Variants in MCM5 observed in about 807,000 individuals in gnomAD.
The protein encoded by MCM5 is minichromosome maintenance complex component 5.
In MCM5, 46 loss-of-function variants were observed where a neutral mutation model predicts 79.9. The observed-to-expected ratio is 0.58, with a 90% CI of 0.45 to 0.74. MCM5 has a LOEUF of 0.74. Among genes scored for constraint, MCM5 ranks in the 30% least tolerant of loss-of-function variants. MCM5 has a pLI of 0.00. For synonymous variants in MCM5, 404 were observed against 390.5 expected (o/e 1.03, Z -0.41); for missense variants, 883 against 1,017.0 (o/e 0.87, Z 1.79).
chr22:35,416,959 G>A (rs1260097667), intron 12 of MCM5, 145 bp downstream of exon 12: 13 of 872,312 alleles, frequency 1.5e-5, no homozygotes, highest in Middle Eastern at 7.0e-4. Flanking sequence ...GTGAGAGGGC[G>A]GTTGTTGTGG....
At chr22:35,416,075 T>A in intron 10 of MCM5, 103 bp downstream of exon 10, 1 of 1,423,394 alleles carries the variant, frequency 7.0e-7, no homozygotes, top group Non-Finnish European at 9.7e-7. Context: ...GGGAGACATG[T>A]TTTCAATCCC....
the MCM5 span, among the ~76,000 whole-genome samples, chr22:35,440,176 A>G: frequency 1.3e-5 from 2 of 152,184 alleles, no homozygotes; most frequent in African/African-American, 2.4e-5. Flanking sequence ...CTTTAAAAGA[A>G]CCCTTGAGTA....
In MCM5 at chr22:35,412,670, C is replaced by T. The variant is rs146791298; in HGVS notation, c.1080C>T (p.Gly360=). 9 of 1,499,144 alleles carry T rather than the reference C, an allele frequency of 6.0e-6. No homozygotes were observed. The highest frequency in any genetic ancestry group is 2.1e-5 in the Admixed American group (1 of 46,804). The allele number at this position is 1,499,144 out of a possible 1,614,324, so 92.9% of individuals were successfully genotyped here. Residue 360 remains glycine, a synonymous_variant, in exon 8 of 17, where the codon GGC becomes GGT. Coordinates refer to ENST00000216122, the MANE Select transcript of MCM5 (RefSeq NM_006739.4). ...CCATTGCCTGCCTGCTCTTTGGGGG[C>T]TCCCGAAAGAGGTAGGGGCTTGAGT... ...KKAIACLLFG[G]SRKRLPDGLT... is the part of the protein sequence containing the mutation.
chr22:35,427,451 T>A (rs942415730), downstream of MCM5, among the ~76,000 whole-genome samples: 1 of 152,124 alleles, frequency 6.6e-6, no homozygotes, highest in Non-Finnish European at 1.5e-5. Context: ...GTAACTATTA[T>A]CCATATGTAT....
chr22:35,405,758 C>G (rs1932193340), intron 4 of MCM5, among the ~76,000 whole-genome samples: 1 of 151,946 alleles, frequency 6.6e-6, no homozygotes, highest in Admixed American at 6.6e-5. Context: ...GCCTGTAATC[C>G]CAGCATTTTG....
the MCM5 span, among the ~76,000 whole-genome samples, chr22:35,439,153 A>G: frequency 6.6e-6 from 1 of 151,802 alleles, no homozygotes; most frequent in South Asian, 2.1e-4. Flanking sequence ...ATATTCATCC[A>G]TCCATCCATT....
At chr22:35,445,312 G>T in the MCM5 span, among the ~76,000 whole-genome samples, 2 of 136,746 alleles carry the variant, frequency 1.5e-5, no homozygotes, top group Non-Finnish European at 3.1e-5. Context: ...TGTGTTAGAT[G>T]CATTTGACTA....
chr22:35,412,388 G>A (rs1601757276), intron 7 of MCM5, 122 bp from the exon 8 acceptor site: 4 of 733,960 alleles, frequency 5.4e-6, no homozygotes, highest in South Asian at 2.7e-5. Context: ...AGGTTGTGCT[G>A]TCCTGGCCCT....
Position 35,424,327 on chromosome 22 carries a change from T to A in MCM5, c.*72T>A, listed in dbSNP as rs1170110207. The A allele has an allele frequency of 8.8e-7, 1 of 1,142,652 alleles. No individual in the cohort carries two copies. Among genetic ancestry groups the A allele is most frequent in the Non-Finnish European group, 1.2e-6 (1 of 802,300 alleles). The allele number at this position is 1,142,652 out of a possible 1,614,324, so 70.8% of individuals were successfully genotyped here. A position where few individuals can be genotyped will look rare whatever the true frequency, so the allele number is the denominator to read the frequency against. On this transcript the variant is annotated 3_prime_UTR_variant, in exon 17 of 17. Coordinates refer to ENST00000216122, the MANE Select transcript of MCM5 (RefSeq NM_006739.4). Reference sequence around the variant, plus strand: ...TCCTGCCGCTGCCTGCCATTGACAATGTTGCTGGGACCTCTGCCTCCCCAC... The same window carrying A: ...TCCTGCCGCTGCCTGCCATTGACAAAGTTGCTGGGACCTCTGCCTCCCCAC...
At chr22:35,438,559 TCATCCATCCATC>T in the MCM5 span, among the ~76,000 whole-genome samples, 19 of 82,798 alleles carry the variant, frequency 2.3e-4, no homozygotes, top group Admixed American at 4.8e-4. Context: ...ACTCACATAT[TCATCCATCCATC>T]CATCCATCCA....
At chr22:35,439,209 A>G in the MCM5 span, among the ~76,000 whole-genome samples, 4 of 151,644 alleles carry the variant, frequency 2.6e-5, no homozygotes, top group East Asian at 7.8e-4. Flanking sequence ...TCATCCATCC[A>G]TTCATCCATC....
At chr22:35,448,748 A>G in the MCM5 span, among the ~76,000 whole-genome samples, 1 of 152,168 alleles carries the variant, frequency 6.6e-6, no homozygotes, top group African/African-American at 2.4e-5. Context: ...GTGGCTTCAA[A>G]CAACACGCAT....
intron 15 of MCM5, 143 bp downstream of exon 15, chr22:35,421,603 C>T: frequency 1.8e-6 from 2 of 1,116,660 alleles, no homozygotes; most frequent in Non-Finnish European, 2.7e-6. Flanking sequence ...TTTCTTTTTG[C>T]CATAAGACCC....
chr22:35,437,248 A>C, the MCM5 span, among the ~76,000 whole-genome samples: 125 of 152,284 alleles, frequency 8.2e-4, no homozygotes, highest in African/African-American at 2.7e-3. Context: ...GGCCAATCAG[A>C]ATGCCCCATC....
downstream of MCM5, among the ~76,000 whole-genome samples, chr22:35,428,242 A>G (rs1932790652): frequency 6.6e-6 from 1 of 151,846 alleles, no homozygotes; most frequent in African/African-American, 2.4e-5. Flanking sequence ...GGCTGGTTTC[A>G]AACTCCTGAA....
chr22:35,429,559 G>A (rs1196331802), downstream of MCM5, among the ~76,000 whole-genome samples: 3 of 151,240 alleles, frequency 2.0e-5, no homozygotes, highest in African/African-American at 7.3e-5. Context: ...TTTTAAGATG[G>A]AGTCTTGCTC....
chr22:35,417,419 T>G (rs561961349), intron 12 of MCM5, among the ~76,000 whole-genome samples: 5 of 152,314 alleles, frequency 3.3e-5, no homozygotes, highest in African/African-American at 1.2e-4. Flanking sequence ...TCCTATTGGC[T>G]TGGGTAGATC....
the MCM5 span, among the ~76,000 whole-genome samples, chr22:35,436,613 C>T: frequency 3.7e-3 from 571 of 152,294 alleles, 7 homozygotes; most frequent in African/African-American, 0.013. Context: ...CGTGCCCTCT[C>T]CCCCTCAATT....
intron 2 of MCM5, 55 bp from the exon 3 acceptor site, chr22:35,403,152 T>G: frequency 2.5e-6 from 4 of 1,599,538 alleles, no homozygotes; most frequent in Non-Finnish European, 3.4e-6. Flanking sequence ...CAGCCAGTGT[T>G]GGTTTCCTCT....
Sources: gnomAD v4.1 joint callset for allele counts (sites outside exome capture counted in the v4.1 genomes callset) on GRCh38, gnomAD v4.1.1 for gene constraint, MANE v1.5 for transcripts, NCBI Gene and HGNC (gene_info 2026-07-23, HGNC 2026-07-21) for gene names.